The following GPHN variants were observed in gnomAD, a reference collection of about 807,000 sequenced individuals.
GPHN encodes gephyrin.
In GPHN, 17 loss-of-function variants were observed where a neutral mutation model predicts 95.5. The ratio of observed to expected loss-of-function variants is 0.18; its 90% CI spans 0.12 to 0.27. GPHN has a LOEUF of 0.27. Ranked by LOEUF, GPHN falls within the 10% of genes least tolerant of loss-of-function variation. The pLI is 1.00. For missense variants in GPHN, 660 were observed against 978.1 expected, an observed-to-expected ratio of 0.67 and a Z score of 4.34; for synonymous variants, 320 against 322.5, an observed-to-expected ratio of 0.99 and a Z score of 0.08.
At chr14:67,686,334 G>C in the GPHN span, 22 of 152,208 alleles carry the variant, frequency 1.4e-4, no homozygotes, top group Admixed American at 1.3e-4. Context: ...ATATGTTAAA[G>C]GTCTTAAAAG....
chr14:66,855,852 A>C (rs1311928500), intron 4 of GPHN, among the ~76,000 whole-genome samples: 1 of 152,106 alleles, frequency 6.6e-6, no homozygotes, highest in Admixed American at 6.6e-5. Context: ...TGGAATTTAA[A>C]ATTTTTCTAT....
At chr14:67,359,900 A>G in the GPHN span, 12 of 601,770 alleles carry the variant, frequency 2.0e-5, no homozygotes, top group South Asian at 2.3e-4. Flanking sequence ...AGGACAGAAC[A>G]GAGGCGTTGC....
chr14:66,917,760 G>C (rs1596365350), intron 6 of GPHN, among the ~76,000 whole-genome samples: 1 of 152,238 alleles, frequency 6.6e-6, no homozygotes, highest in African/African-American at 2.4e-5. Context: ...CATCCAGTGA[G>C]ATAACTTTTT....
the GPHN span, chr14:67,241,974 A>T: frequency 6.6e-6 from 1 of 152,116 alleles, no homozygotes; most frequent in Admixed American, 6.5e-5. Context: ...CCTCTGCCTG[A>T]CTCAGCTGCT....
At chr14:67,127,286 G>T (rs1384439378) in intron 17 of GPHN, among the ~76,000 whole-genome samples, 1 of 151,742 alleles carries the variant, frequency 6.6e-6, no homozygotes, top group Non-Finnish European at 1.5e-5. Context: ...AATTTAGGCT[G>T]CCAAACTACC....
At chr14:67,252,085 C>T in the GPHN span, among the ~76,000 whole-genome samples, 1 of 152,200 alleles carries the variant, frequency 6.6e-6, no homozygotes, top group Non-Finnish European at 1.5e-5. Context: ...TGCATCTCTT[C>T]CATTTGGCTA....
the GPHN span, among the ~76,000 whole-genome samples, chr14:67,452,460 G>A: frequency 6.6e-6 from 1 of 151,996 alleles, no homozygotes; most frequent in Admixed American, 6.6e-5. Context: ...ATATGGAACT[G>A]TAAGTCATTA....
chr14:66,938,835 T>G (rs1451780272), intron 8 of GPHN, among the ~76,000 whole-genome samples: 1 of 152,202 alleles, frequency 6.6e-6, no homozygotes, highest in Non-Finnish European at 1.5e-5. Context: ...TTCTTTCCAC[T>G]GGGGGATAAC....
chr14:67,201,956 C>G, the GPHN span, among the ~76,000 whole-genome samples: 1 of 152,120 alleles, frequency 6.6e-6, no homozygotes, highest in Non-Finnish European at 1.5e-5. Flanking sequence ...TTTATACATG[C>G]TGTTCCTCTG....
At chr14:67,701,035 A>AAG in the GPHN span, among the ~76,000 whole-genome samples, 1 of 151,354 alleles carries the variant, frequency 6.6e-6, no homozygotes, top group East Asian at 1.9e-4. Flanking sequence ...AAAAAAAAAA[A>AAG]AAAAAAAAAA....
At chr14:66,651,718 A>G (rs1566763580) in intron 1 of GPHN, among the ~76,000 whole-genome samples, 1 of 152,134 alleles carries the variant, frequency 6.6e-6, no homozygotes. Context: ...GCCTGCTTCC[A>G]TTGCCAACAT....
the GPHN span, among the ~76,000 whole-genome samples, chr14:67,246,371 G>A: frequency 6.6e-6 from 1 of 151,888 alleles, no homozygotes; most frequent in Admixed American, 6.6e-5. Context: ...TTGAGACAGG[G>A]TCTCACTCTG....
intron 1 of GPHN, among the ~76,000 whole-genome samples, chr14:66,632,489 C>CTTTT (rs60856342): frequency 2.1e-4 from 26 of 121,998 alleles, no homozygotes; most frequent in Non-Finnish European, 3.8e-4. Flanking sequence ...ACAATACATT[C>CTTTT]TTTTTTTTTT....
chr14:67,326,336 C>T, the GPHN span, among the ~76,000 whole-genome samples: 1 of 140,576 alleles, frequency 7.1e-6, no homozygotes, highest in South Asian at 2.3e-4. Flanking sequence ...AGTCAAGTGA[C>T]CCTCCCGTCT....
intron 2 of GPHN, among the ~76,000 whole-genome samples, chr14:66,748,449 A>G (rs984479765): frequency 6.6e-6 from 1 of 151,944 alleles, no homozygotes; most frequent in African/African-American, 2.4e-5. Context: ...GCACCCTTAC[A>G]TGCATAGCCT....
At chr14:67,293,715 T>C in the GPHN span, among the ~76,000 whole-genome samples, 3 of 152,218 alleles carry the variant, frequency 2.0e-5, no homozygotes, top group Non-Finnish European at 2.9e-5. Flanking sequence ...AGTACCAATA[T>C]ATTTGGTAAA....
chr14:67,508,753 C>CAAAAAAAAAA, the GPHN span, among the ~76,000 whole-genome samples: 25 of 46,700 alleles, frequency 5.4e-4, 3 homozygotes, highest in Non-Finnish European at 8.0e-4. Context: ...AACCTTGTCT[C>CAAAAAAAAAA]AAAAAAAAAA....
chr14:67,506,105 A>G, the GPHN span, among the ~76,000 whole-genome samples: 2 of 152,214 alleles, frequency 1.3e-5, no homozygotes, highest in Non-Finnish European at 2.9e-5. Flanking sequence ...GGAAGCTGGA[A>G]GCCAGCAGAG....
chr14:66,968,347 A>C (rs956499156), intron 9 of GPHN, among the ~76,000 whole-genome samples: 1 of 152,054 alleles, frequency 6.6e-6, no homozygotes, highest in Non-Finnish European at 1.5e-5. Context: ...TGAGACAACC[A>C]AGGAGTGATA....
Sources: gnomAD v4.1 joint callset for allele counts (sites outside exome capture counted in the v4.1 genomes callset) on GRCh38, gnomAD v4.1.1 for gene constraint, MANE v1.5 for transcripts, NCBI Gene and HGNC (gene_info 2026-07-23, HGNC 2026-07-21) for gene names.